The following EBF1 variants were observed in gnomAD, a reference collection of about 807,000 sequenced individuals.
EBF1 encodes EBF transcription factor 1.
Under a neutral mutation model 68.4 loss-of-function variants are expected in EBF1, and 10 were observed. The observed-to-expected ratio is 0.15, with a 90% CI of 0.09 to 0.25. The LOEUF (loss-of-function observed/expected upper bound fraction) is 0.25, where lower values mean the gene tolerates loss of function less well. Ranked by LOEUF, EBF1 falls within the 10% of genes least tolerant of loss-of-function variation. EBF1 has a pLI of 1.00. For missense variants in EBF1, 509 were observed against 794.4 expected, an observed-to-expected ratio of 0.64 and a Z score of 4.32; for synonymous variants, 298 against 299.8, an observed-to-expected ratio of 0.99 and a Z score of 0.06.
At chr5:159,033,295 C>T (rs779308245) in intron 6 of EBF1, among the ~76,000 whole-genome samples, 4 of 152,204 alleles carry the variant, frequency 2.6e-5, no homozygotes, top group African/African-American at 4.8e-5. Flanking sequence ...TACCATTAAT[C>T]GTAAGATTAG....
intron 10 of EBF1, among the ~76,000 whole-genome samples, chr5:158,747,269 C>A (rs1053175711): frequency 6.6e-6 from 1 of 152,280 alleles, no homozygotes; most frequent in Non-Finnish European, 1.5e-5. Context: ...TAAATAGGAT[C>A]ATTTGTTGAG....
At chr5:158,790,941 C>A (rs1382245300) in intron 9 of EBF1, among the ~76,000 whole-genome samples, 3 of 152,094 alleles carry the variant, frequency 2.0e-5, no homozygotes, top group South Asian at 2.1e-4. Flanking sequence ...AAGAAAAGAA[C>A]AATAGTGGAA....
At chr5:159,090,800 C>T (rs1448089258) in intron 4 of EBF1, among the ~76,000 whole-genome samples, 4 of 131,724 alleles carry the variant, frequency 3.0e-5, no homozygotes, top group Non-Finnish European at 6.8e-5. Context: ...TTTGTCAACC[C>T]AATGGGGTAA....
At chr5:158,814,110 C>T (rs1783220542) in intron 8 of EBF1, among the ~76,000 whole-genome samples, 1 of 152,134 alleles carries the variant, frequency 6.6e-6, no homozygotes, top group Non-Finnish European at 1.5e-5. Flanking sequence ...CTTTGGGAGA[C>T]CAAGGGGATG....
At chr5:158,999,475 G>A (rs912116063) in intron 6 of EBF1, among the ~76,000 whole-genome samples, 1 of 152,196 alleles carries the variant, frequency 6.6e-6, no homozygotes, top group Non-Finnish European at 1.5e-5. Context: ...TTTTCAGTTA[G>A]AGAACAGAAA....
chr5:158,802,477 C>T (rs1335751424), intron 8 of EBF1, among the ~76,000 whole-genome samples: 1 of 152,130 alleles, frequency 6.6e-6, no homozygotes, highest in Non-Finnish European at 1.5e-5. Flanking sequence ...CGTGCACACT[C>T]TCCTTTTCCA....
At chr5:158,958,983 G>C (rs1817663918) in intron 6 of EBF1, among the ~76,000 whole-genome samples, 1 of 152,162 alleles carries the variant, frequency 6.6e-6, no homozygotes, top group Admixed American at 6.5e-5. Context: ...AAGTCATCTT[G>C]AACTGGCTAC....
At chr5:158,783,413 G>A (rs1233934150) in intron 9 of EBF1, among the ~76,000 whole-genome samples, 2 of 152,164 alleles carry the variant, frequency 1.3e-5, no homozygotes, top group Non-Finnish European at 2.9e-5. Flanking sequence ...TAGAGGTATG[G>A]GTAATTTTAC....
intron 6 of EBF1, among the ~76,000 whole-genome samples, chr5:158,964,650 T>A (rs779850329): frequency 1.4e-4 from 21 of 150,882 alleles, no homozygotes; most frequent in Non-Finnish European, 2.7e-4. Flanking sequence ...AGAAATATTA[T>A]ATGATCACCA....
At chr5:158,736,963 G>A (rs1765309547) in intron 10 of EBF1, among the ~76,000 whole-genome samples, 1 of 152,202 alleles carries the variant, frequency 6.6e-6, no homozygotes, top group Non-Finnish European at 1.5e-5. Context: ...TACCTGCCTA[G>A]ATACTTGATG....
chr5:158,923,376 C>A (rs1310450826), intron 6 of EBF1, among the ~76,000 whole-genome samples: 1 of 152,176 alleles, frequency 6.6e-6, no homozygotes, highest in South Asian at 2.1e-4. Context: ...ATTCTCATCC[C>A]ATATTTAATG....
Position 158,848,282 on chromosome 5 carries a change from T to TTA in EBF1, c.555-8174_555-8173dup, listed in dbSNP as rs570518852. On this transcript the variant is annotated intron_variant, in intron 6 of 15. Transcript: ENST00000313708. The stretch of plus-strand genomic sequence containing the variant: ...TCCATTAAACTATATTCTTTACATG[T>TTA]TATATATATATCGTGGGATCATTGA... Among the ~76,000 whole-genome samples the TTA allele has an allele frequency of 1.4e-4, 21 of 148,324 alleles. No homozygotes were observed. In the East Asian group the frequency reaches 3.7e-3, roughly 26 times the overall value.
chr5:159,062,697 C>G (rs1454209449), intron 6 of EBF1, among the ~76,000 whole-genome samples: 1 of 152,174 alleles, frequency 6.6e-6, no homozygotes, highest in African/African-American at 2.4e-5. Flanking sequence ...AAAATCAAGC[C>G]TTCTCCCAAA....
intron 6 of EBF1, among the ~76,000 whole-genome samples, chr5:159,002,418 C>T (rs1762723304): frequency 6.6e-6 from 1 of 152,196 alleles, no homozygotes; most frequent in Admixed American, 6.5e-5. Context: ...ATATACCTCG[C>T]TTTTCCGCTC....
chr5:158,915,176 A>G (rs1310199889), intron 6 of EBF1, among the ~76,000 whole-genome samples: 1 of 152,186 alleles, frequency 6.6e-6, no homozygotes, highest in African/African-American at 2.4e-5. Context: ...AACTTCAGAA[A>G]GTGAACTCTG....
chr5:159,069,684 T>C (rs1777480371), intron 6 of EBF1, among the ~76,000 whole-genome samples: 1 of 152,162 alleles, frequency 6.6e-6, no homozygotes, highest in Admixed American at 6.5e-5. Context: ...CAGACTACCC[T>C]ATGTGACTTT....
intron 9 of EBF1, among the ~76,000 whole-genome samples, chr5:158,789,761 G>C (rs1351873661): frequency 6.6e-6 from 1 of 152,176 alleles, no homozygotes; most frequent in Non-Finnish European, 1.5e-5. Flanking sequence ...TAAGAGTCAA[G>C]GCCGGGCAAA....
At chr5:158,829,677 G>C (rs952782458) in intron 7 of EBF1, among the ~76,000 whole-genome samples, 1 of 152,060 alleles carries the variant, frequency 6.6e-6, no homozygotes, top group South Asian at 2.1e-4. Flanking sequence ...AAAAGGTATT[G>C]ATCACACTTC....
chr5:159,054,027 A>T (rs1266808980), intron 6 of EBF1, among the ~76,000 whole-genome samples: 2 of 152,376 alleles, frequency 1.3e-5, no homozygotes, highest in Admixed American at 6.5e-5. Flanking sequence ...CTGGTCATTA[A>T]TCGTTACCGA....
Sources: gnomAD v4.1 joint callset for allele counts (sites outside exome capture counted in the v4.1 genomes callset) on GRCh38, gnomAD v4.1.1 for gene constraint, MANE v1.5 for transcripts, NCBI Gene and HGNC (gene_info 2026-07-23, HGNC 2026-07-21) for gene names.